Variants in ARHGEF7 observed in about 807,000 individuals in gnomAD.
The protein encoded by ARHGEF7 is PAK-interacting exchange factor beta.
ARHGEF7 carries 33 observed loss-of-function variants against 109.8 expected under a neutral mutation model. That is an observed-to-expected ratio of 0.30 (90% CI 0.23 to 0.40). The LOEUF is 0.40. ARHGEF7 is among the 10% of genes least tolerant of loss of function. The pLI is 1.00. For missense variants in ARHGEF7, 938 were observed against 1,098.5 expected, an observed-to-expected ratio of 0.85 and a Z score of 2.07; for synonymous variants, 458 against 424.6, an observed-to-expected ratio of 1.08 and a Z score of -0.97.
chr13:111,273,708 C>A lies in ARHGEF7; in HGVS notation c.1074-106C>A. ...GCTGGAGCCTTCCAGATGTTAAAAG[C>A]AACACTTATGTTTCATAAATTCTGG... On this transcript the variant is annotated intron_variant, in intron 9 of 21. Coordinates refer to ENST00000646102, the MANE Select transcript of ARHGEF7 (RefSeq NM_001354046.2). The surrounding 1 kb of genome is among the most constrained non-coding windows in gnomAD (Gnocchi z 4.5). 1 of 1,480,536 alleles carries A rather than the reference C, an allele frequency of 6.8e-7. No homozygotes were observed. Among genetic ancestry groups the A allele is most frequent in the South Asian group, 1.2e-5 (1 of 82,032 alleles). 91.7% of individuals were successfully genotyped at this position (1,480,536 alleles called of 1,614,324 possible). A position where few individuals can be genotyped will look rare whatever the true frequency, so the allele number is the denominator to read the frequency against.
intron 19 of ARHGEF7, among the ~76,000 whole-genome samples, chr13:111,297,072 C>G (rs181178352): frequency 2.0e-5 from 3 of 152,328 alleles, no homozygotes; most frequent in East Asian, 3.9e-4. Context: ...TTAATAATTT[C>G]TGAGATAACT....
At chr13:111,240,589 T>C (rs2087600699) in intron 6 of ARHGEF7, among the ~76,000 whole-genome samples, 1 of 152,212 alleles carries the variant, frequency 6.6e-6, no homozygotes, top group Admixed American at 6.5e-5. Flanking sequence ...ACAGGCCACA[T>C]TGTGTGGTGA....
intron 8 of ARHGEF7, among the ~76,000 whole-genome samples, chr13:111,256,578 G>A (rs188042182): frequency 2.6e-4 from 39 of 152,284 alleles, no homozygotes; most frequent in Admixed American, 2.4e-3. Context: ...TCTCTGTGGA[G>A]ACCTTTAGTT....
intron 5 of ARHGEF7, among the ~76,000 whole-genome samples, 177 bp downstream of exon 5, chr13:111,218,057 C>T (rs1279367862): frequency 2.6e-5 from 4 of 152,234 alleles, no homozygotes; most frequent in Admixed American, 6.5e-5. Context: ...GCCCTGGCAT[C>T]AAGGGCTCTC....
At chr13:111,172,231 C>G (rs2153415651) in intron 2 of ARHGEF7, among the ~76,000 whole-genome samples, 1 of 152,238 alleles carries the variant, frequency 6.6e-6, no homozygotes, top group African/African-American at 2.4e-5. Context: ...GATCAGTGCT[C>G]TAGGGGCCTT....
At chr13:111,121,051 C>T (rs1594789025) in intron 1 of ARHGEF7, among the ~76,000 whole-genome samples, 1 of 152,150 alleles carries the variant, frequency 6.6e-6, no homozygotes, top group Admixed American at 6.5e-5. Flanking sequence ...CCAGGGGGGA[C>T]AAAAGTGAGG....
chr13:111,268,492 C>CT (rs1190672769), intron 9 of ARHGEF7, among the ~76,000 whole-genome samples: 1 of 152,162 alleles, frequency 6.6e-6, no homozygotes, highest in African/African-American at 2.4e-5. Context: ...ATGCCATTGT[C>CT]TTTCTAACTT....
At chr13:111,269,918 G>A (rs1449897770) in intron 9 of ARHGEF7, among the ~76,000 whole-genome samples, 1 of 152,226 alleles carries the variant, frequency 6.6e-6, no homozygotes, top group Non-Finnish European at 1.5e-5. Context: ...TTCCATGTGT[G>A]TGACGGTCTT....
At chr13:111,292,519 A>C (rs4145274) in intron 19 of ARHGEF7, 1 of 1,420,136 alleles carries the variant, frequency 7.0e-7, no homozygotes, top group Non-Finnish European at 9.2e-7. Flanking sequence ...ATGACTGACT[A>C]TTGGAGGGAG....
chr13:111,259,045 A>G (rs55947088), intron 8 of ARHGEF7, among the ~76,000 whole-genome samples: 8 of 152,294 alleles, frequency 5.3e-5, no homozygotes, highest in Non-Finnish European at 8.8e-5. Flanking sequence ...TGGGTGCCAC[A>G]AGAAATATTC....
At chr13:111,216,187 T>C (rs970905966) in intron 4 of ARHGEF7, among the ~76,000 whole-genome samples, 1 of 152,260 alleles carries the variant, frequency 6.6e-6, no homozygotes, top group Non-Finnish European at 1.5e-5. Context: ...GCTTTTCAGC[T>C]CTGCCCTCTT....
chr13:111,271,758 T>G (rs1024386166), intron 9 of ARHGEF7, among the ~76,000 whole-genome samples: 1 of 152,250 alleles, frequency 6.6e-6, no homozygotes, highest in African/African-American at 2.4e-5. Context: ...CAGAAATAAT[T>G]ATGAAGCCTT....
At position 111,305,372 on chromosome 13, in the gene ARHGEF7, T is replaced by G. The variant is rs1160727512; in HGVS notation, c.*2259T>G. On this transcript the variant is annotated 3_prime_UTR_variant, in exon 22 of 22. Transcript: ENST00000646102. ...AAGGGGCCACGATTTGCCCGAGGGTTACTCCTTTGCTCTCACCTTGTATGG... is the reference window on the plus strand; with the variant it reads ...AAGGGGCCACGATTTGCCCGAGGGTGACTCCTTTGCTCTCACCTTGTATGG... 1 of 152,274 alleles carries G rather than the reference T, an allele frequency of 6.6e-6. No individual in the cohort carries two copies. The highest frequency in any genetic ancestry group is 1.5e-5 in the Non-Finnish European group (1 of 68,060). The allele number at this position is 152,274 out of a possible 1,614,324, so 9.4% of individuals were successfully genotyped here.
intron 5 of ARHGEF7, among the ~76,000 whole-genome samples, chr13:111,229,929 C>A (rs1290978466): frequency 1.3e-5 from 2 of 152,072 alleles, no homozygotes; most frequent in Non-Finnish European, 2.9e-5. Context: ...TGCATAGAAG[C>A]TTCCAGACAT....
intron 1 of ARHGEF7, among the ~76,000 whole-genome samples, chr13:111,124,466 C>T (rs1224306272): frequency 2.6e-5 from 4 of 152,270 alleles, no homozygotes; most frequent in Admixed American, 6.5e-5. Flanking sequence ...CTCACCTTGG[C>T]TCCTGTCCAT....
chr13:111,244,405 T>A (rs2088395898), intron 8 of ARHGEF7, 111 bp downstream of exon 8: 1 of 683,956 alleles, frequency 1.5e-6, no homozygotes, highest in Non-Finnish European at 2.4e-6. Context: ...AAACTTAAGT[T>A]ATTTTAAATC....
intron 5 of ARHGEF7, among the ~76,000 whole-genome samples, chr13:111,231,533 A>C (rs2086054430): frequency 6.6e-6 from 1 of 151,822 alleles, no homozygotes; most frequent in African/African-American, 2.4e-5. Context: ...GCTCCACAGG[A>C]GGAGGATCCA....
intron 2 of ARHGEF7, among the ~76,000 whole-genome samples, chr13:111,179,565 A>G (rs962325534): frequency 2.6e-5 from 4 of 152,072 alleles, no homozygotes; most frequent in Non-Finnish European, 5.9e-5. Flanking sequence ...ATATCCTATA[A>G]TGTTATCGCT....
At chr13:111,184,641 G>A (rs1363463049) in intron 2 of ARHGEF7, among the ~76,000 whole-genome samples, 1 of 152,222 alleles carries the variant, frequency 6.6e-6, no homozygotes, top group Non-Finnish European at 1.5e-5. Context: ...GAGGGAGGGG[G>A]AGATGTGTCT....
Sources: allele counts gnomAD v4.1 joint callset (sites outside exome capture counted in the v4.1 genomes callset), GRCh38; gene constraint gnomAD v4.1.1; non-coding constraint Gnocchi (gnomAD v3.1); transcripts MANE v1.5; gene names NCBI Gene and HGNC (gene_info 2026-07-23, HGNC 2026-07-21).